The following FSHR variants were observed in gnomAD, a reference collection of about 807,000 sequenced individuals.
FSHR encodes follicle stimulating hormone receptor.
In FSHR, 46 loss-of-function variants were observed where a neutral mutation model predicts 52.1. That is an observed-to-expected ratio of 0.88 (90% CI 0.70 to 1.13). The LOEUF is 1.13. Ranked by LOEUF, FSHR falls within the 50% of genes most tolerant of loss-of-function variation. The probability of loss-of-function intolerance (pLI) is 0.00; values close to 1 mark genes in which losing one functional copy is unlikely to be tolerated. For missense variants in FSHR, 964 were observed against 834.6 expected (o/e 1.16, Z -1.91); for synonymous variants, 399 against 309.6 (o/e 1.29, Z -3.03).
At chr2:49,051,106 A>C (rs373900746) in intron 2 of FSHR, among the ~76,000 whole-genome samples, 9 of 152,138 alleles carry the variant, frequency 5.9e-5, no homozygotes, top group African/African-American at 1.7e-4. Context: ...AATTGTGTGG[A>C]TATCATACCA....
chr2:49,128,166 C>T (rs146401064), intron 1 of FSHR, among the ~76,000 whole-genome samples: 1 of 151,904 alleles, frequency 6.6e-6, no homozygotes, highest in African/African-American at 2.4e-5. Context: ...CAGGCATGAT[C>T]CACCGTGCCC....
intron 1 of FSHR, among the ~76,000 whole-genome samples, chr2:49,114,947 T>G (rs528699746): frequency 5.9e-5 from 9 of 151,920 alleles, no homozygotes; most frequent in African/African-American, 1.9e-4. Flanking sequence ...CATTGCCCAG[T>G]GCTAAAACCA....
chr2:49,134,434 T>C (rs1672411378), intron 1 of FSHR, among the ~76,000 whole-genome samples: 1 of 152,186 alleles, frequency 6.6e-6, no homozygotes, highest in South Asian at 2.1e-4. Context: ...GGAGAGGATG[T>C]GGAGAAATAG....
intron 6 of FSHR, among the ~76,000 whole-genome samples, chr2:48,985,880 A>T (rs1016116049): frequency 2.0e-5 from 3 of 147,166 alleles, no homozygotes; most frequent in Admixed American, 6.8e-5. Context: ...CGCCCGGCTA[A>T]TTTTTTGTAT....
chr2:48,965,030 C>A (rs1300088396), intron 9 of FSHR, among the ~76,000 whole-genome samples: 1 of 152,038 alleles, frequency 6.6e-6, no homozygotes, highest in African/African-American at 2.4e-5. Flanking sequence ...ACATGCATAC[C>A]TTTCCCTCCT....
intron 1 of FSHR, among the ~76,000 whole-genome samples, chr2:49,141,225 G>C (rs760252752): frequency 1.3e-4 from 19 of 151,912 alleles, no homozygotes; most frequent in South Asian, 4.1e-4. Context: ...TCATGGAGTA[G>C]TTGCTTGTAC....
In FSHR at chr2:48,983,177, A is replaced by T. The variant is rs767115183; in HGVS notation, c.525-11T>A. On this transcript the variant is annotated splice_polypyrimidine_tract_variant and intron_variant, in intron 6 of 9. Coordinates refer to ENST00000406846, the MANE Select transcript of FSHR (RefSeq NM_000145.4). ...TTCTTATTCAGCCATCTGAAATAAA[A>T]GGCCTATTAAAAAACCAATAATGTC... 6.2e-6 allele frequency: 10 copies of T among 1,613,360 alleles called. No individual in the cohort carries two copies. The highest frequency in any genetic ancestry group is 3.3e-5 in the Admixed American group (2 of 60,018).
intron 9 of FSHR, among the ~76,000 whole-genome samples, chr2:48,965,047 A>C (rs914942199): frequency 6.6e-6 from 1 of 152,056 alleles, no homozygotes; most frequent in Non-Finnish European, 1.5e-5. Flanking sequence ...TCCTTCCCCA[A>C]GGGGCAAGTT....
At chr2:49,030,070 G>A (rs1668046421) in intron 2 of FSHR, among the ~76,000 whole-genome samples, 2 of 152,298 alleles carry the variant, frequency 1.3e-5, no homozygotes, top group African/African-American at 4.8e-5. Flanking sequence ...CAGCAGGGTA[G>A]CCAGCAAGGG....
intron 4 of FSHR, among the ~76,000 whole-genome samples, chr2:48,997,977 G>T (rs1676096449): frequency 1.3e-5 from 2 of 152,060 alleles, no homozygotes; most frequent in South Asian, 2.1e-4. Context: ...TGATAAACCT[G>T]CCTGGATCAA....
At chr2:48,971,187 G>A (rs1427269237) in intron 8 of FSHR, among the ~76,000 whole-genome samples, 3 of 152,108 alleles carry the variant, frequency 2.0e-5, no homozygotes, top group Non-Finnish European at 4.4e-5. Context: ...CCTTCTCTAC[G>A]CTCTTCTCTG....
At chr2:48,971,640 A>G (rs1432125856) in intron 8 of FSHR, among the ~76,000 whole-genome samples, 7 of 152,136 alleles carry the variant, frequency 4.6e-5, no homozygotes, top group Admixed American at 3.3e-4. Context: ...CAAATCTCCT[A>G]TATACTTACT....
chr2:49,147,805 G>C (rs891624837), intron 1 of FSHR, among the ~76,000 whole-genome samples: 1 of 151,656 alleles, frequency 6.6e-6, no homozygotes, highest in East Asian at 1.9e-4. Context: ...GTTGGACATA[G>C]ACATATCATT....
At chr2:48,982,675 C>A (rs1016573923) in intron 8 of FSHR, among the ~76,000 whole-genome samples, 1 of 152,178 alleles carries the variant, frequency 6.6e-6, no homozygotes, top group African/African-American at 2.4e-5. Flanking sequence ...CTTCTGAGAA[C>A]GCCATCTGAC....
chr2:49,148,394 A>G (rs1389136820), intron 1 of FSHR, among the ~76,000 whole-genome samples: 2 of 152,074 alleles, frequency 1.3e-5, no homozygotes, highest in Non-Finnish European at 2.9e-5. Context: ...GGAGAAAGTA[A>G]TAATCATCTT....
chr2:49,074,114 G>A (rs533625145), intron 1 of FSHR, among the ~76,000 whole-genome samples: 40 of 152,142 alleles, frequency 2.6e-4, no homozygotes, highest in Middle Eastern at 6.8e-3. Flanking sequence ...GTGCTTCAGA[G>A]CATTGGTCTG....
chr2:49,043,933 T>A (rs995127378), intron 2 of FSHR, among the ~76,000 whole-genome samples: 11 of 152,304 alleles, frequency 7.2e-5, no homozygotes, highest in African/African-American at 2.6e-4. Flanking sequence ...TAAAACCTTC[T>A]CTTGCTTCTC....
intron 2 of FSHR, among the ~76,000 whole-genome samples, chr2:49,035,369 T>C (rs1668238683): frequency 6.6e-6 from 1 of 152,230 alleles, no homozygotes; most frequent in Non-Finnish European, 1.5e-5. Flanking sequence ...CAAGGACAAT[T>C]GGCATTTTAG....
intron 1 of FSHR, among the ~76,000 whole-genome samples, chr2:49,105,603 A>T: frequency 6.6e-6 from 1 of 152,182 alleles, no homozygotes; most frequent in East Asian, 1.9e-4. Flanking sequence ...AGGCTCTGCA[A>T]GCTGATTCTC....
Sources: gnomAD v4.1 joint callset for allele counts (sites outside exome capture counted in the v4.1 genomes callset) on GRCh38, gnomAD v4.1.1 for gene constraint, MANE v1.5 for transcripts, NCBI Gene and HGNC (gene_info 2026-07-23, HGNC 2026-07-21) for gene names.